Variants in GNA11 observed in about 807,000 individuals in gnomAD.
GNA11 encodes the protein guanine nucleotide-binding protein subunit alpha-11.
In GNA11, 8 loss-of-function variants were observed where a neutral mutation model predicts 38.2. That is an observed-to-expected ratio of 0.21 (90% CI 0.12 to 0.38). GNA11 has a LOEUF of 0.38. Among genes scored for constraint, GNA11 ranks in the 10% least tolerant of loss-of-function variants. The pLI is 1.00. For synonymous variants in GNA11, 211 were observed against 221.4 expected (o/e 0.95, Z 0.42); for missense variants, 268 against 516.3 (o/e 0.52, Z 4.66).
intron 3 of GNA11, among the ~76,000 whole-genome samples, chr19:3,114,087 G>T (rs1056160880): frequency 6.6e-6 from 1 of 152,134 alleles, no homozygotes; most frequent in Non-Finnish European, 1.5e-5. Flanking sequence ...CCCCAGCACC[G>T]GGAGAGACCC....
At chr19:3,107,533 G>A (rs751749156) in intron 1 of GNA11, among the ~76,000 whole-genome samples, 1 of 152,236 alleles carries the variant, frequency 6.6e-6, no homozygotes, top group Non-Finnish European at 1.5e-5. Context: ...CTGGTCTCGT[G>A]TCAGGTGTGG....
chr19:3,102,256 C>G (rs1682593983), intron 1 of GNA11, among the ~76,000 whole-genome samples: 1 of 152,188 alleles, frequency 6.6e-6, no homozygotes, highest in African/African-American at 2.4e-5. Flanking sequence ...TGGCATGGCC[C>G]CTGACCGGCG....
Position 3,095,973 on chromosome 19 carries a change from GCCCTGC to G in GNA11, c.136+1190_136+1195del, listed in dbSNP as rs563806093. ...AGTGGTTTACAAAACAGAAGCTCTT[GCCCTGC>G]CCCGCCCCTGCCCTCCCGAGCTCCT... On this transcript the variant is annotated intron_variant, in intron 1 of 6. Coordinates refer to ENST00000078429, the MANE Select transcript of GNA11 (RefSeq NM_002067.5). 4.3e-4 allele frequency among the ~76,000 whole-genome samples: 66 copies of G among 152,248 alleles called. No individual in the cohort carries two copies. The East Asian group carries it at 0.012, about 29-fold the overall frequency.
At chr19:3,117,570 G>A (rs1039386227) in intron 4 of GNA11, 1 of 152,258 alleles carries the variant, frequency 6.6e-6, no homozygotes, top group African/African-American at 2.4e-5. Flanking sequence ...TTTTAGTAGA[G>A]ATGTGGTTTC....
At chr19:3,116,675 C>G (rs1465659298) in intron 4 of GNA11, among the ~76,000 whole-genome samples, 1 of 152,232 alleles carries the variant, frequency 6.6e-6, no homozygotes, top group South Asian at 2.1e-4. Flanking sequence ...TTCTGGTGTT[C>G]GTGCGTGTGG....
Position 3,115,184 on chromosome 19 carries a change from G to T in GNA11, c.605+112G>T, listed in dbSNP as rs1289190203. ...TTTGGGAGGCCAAGGCGGGAGGATC[G>T]CCTGAGTCCAGGAGTTTGAGACCAC... On this transcript the variant is annotated intron_variant, in intron 4 of 6. Coordinates refer to ENST00000078429, the MANE Select transcript of GNA11 (RefSeq NM_002067.5). The T allele has an allele frequency of 2.3e-6, 3 of 1,277,538 alleles. No individual in the cohort carries two copies. The Admixed American group carries it at 5.9e-5, about 25-fold the overall frequency. 79.1% of individuals were successfully genotyped at this position (1,277,538 alleles called of 1,614,324 possible).
Position 3,110,940 on chromosome 19 carries a change from T to C in GNA11, c.321+607T>C, listed in dbSNP as rs1197573411. Among the ~76,000 whole-genome samples the C allele has an allele frequency of 6.6e-6, 1 of 152,110 alleles. No homozygotes were observed. The highest frequency in any genetic ancestry group is 1.5e-5 in the Non-Finnish European group (1 of 68,028). On this transcript the variant is annotated intron_variant, in intron 2 of 6. Coordinates refer to ENST00000078429, the MANE Select transcript of GNA11 (RefSeq NM_002067.5). The surrounding 1 kb of genome is among the most constrained non-coding windows in gnomAD (Gnocchi z 5.4). ...CCTCCCGGGTAGCTGGGACTGCAGG[T>C]GCATCACCACGCCTAGCTAATTTTT...
chr19:3,114,484 C>G (rs561265327), intron 3 of GNA11, among the ~76,000 whole-genome samples: 1 of 152,144 alleles, frequency 6.6e-6, no homozygotes, highest in African/African-American at 2.4e-5. Context: ...AGCAGGGAGA[C>G]GGGCACGGGG....
Position 3,120,210 on chromosome 19 carries a change from A to G in GNA11, c.890-779A>G, listed in dbSNP as rs1040868650. ...GAGAGGGAGGGGTCTGGCACACGGT[A>G]TAGCCTCGGCCGCTGGCTGCAGGCG... On this transcript the variant is annotated intron_variant, in intron 6 of 6. Coordinates refer to ENST00000078429, the MANE Select transcript of GNA11 (RefSeq NM_002067.5). This position sits in a 1 kb window ranked among gnomAD's most constrained non-coding sequence, Gnocchi z 5.9. Among the ~76,000 whole-genome samples the G allele has an allele frequency of 6.6e-6, 1 of 151,902 alleles. No individual in the cohort carries two copies. The highest frequency in any genetic ancestry group is 1.5e-5 in the Non-Finnish European group (1 of 67,934).
chr19:3,115,059 A>C lies in GNA11; in HGVS notation c.592A>C (p.Asn198His), dbSNP rs768371546. The C allele has an allele frequency of 1.5e-5, 24 of 1,612,954 alleles. No homozygotes were observed. The highest frequency in any genetic ancestry group is 1.7e-5 in the Non-Finnish European group (20 of 1,179,784). The change falls in exon 4 of 7, where the codon AAC becomes CAC. Residue 198 changes from asparagine to histidine, a missense_variant. By Grantham distance (68) the Asn-to-His change is moderately conservative. Coordinates refer to ENST00000078429, the MANE Select transcript of GNA11 (RefSeq NM_002067.5). Reference sequence around the variant, plus strand: ...CATCGAGTACCCTTTCGACCTGGAGAACATCATCTTCCGGTACCGCCCGGG... The same window carrying C: ...CATCGAGTACCCTTTCGACCTGGAGCACATCATCTTCCGGTACCGCCCGGG... ...GIIEYPFDLE[N>H]IIFRMVDVGG...
In GNA11 at chr19:3,094,528, CGAGGGCCGGTGGCCGAGGCCG is replaced by C. The variant is rs1240499698; in HGVS notation, c.-115_-95del. ...GAGGCGGGGCGGGCCGGCCCGGGGCCGAGGGCCGGTGGCCGAGGCCGGAGGGCCGCGGCGGGCGGCGGCCGA... is the reference window on the plus strand; with the variant it reads ...GAGGCGGGGCGGGCCGGCCCGGGGCCGAGGGCCGCGGCGGGCGGCGGCCGA... On this transcript the variant is annotated 5_prime_UTR_variant, in exon 1 of 7. Coordinates refer to ENST00000078429, the MANE Select transcript of GNA11 (RefSeq NM_002067.5). The surrounding 1 kb of genome is among the most constrained non-coding windows in gnomAD (Gnocchi z 6.0). 17 of 199,452 alleles carry C rather than the reference CGAGGGCCGGTGGCCGAGGCCG, an allele frequency of 8.5e-5. No homozygotes were observed. The East Asian group carries it at 3.2e-3, about 38-fold the overall frequency. 12.4% of individuals were successfully genotyped at this position (199,452 alleles called of 1,614,324 possible).
In GNA11 at chr19:3,123,561, C is replaced by T. The variant is rs1183074483; in HGVS notation, c.*2382C>T. 2 of 233,002 alleles carry T rather than the reference C, an allele frequency of 8.6e-6. No homozygotes were observed. The highest frequency in any genetic ancestry group is 1.7e-5 in the Non-Finnish European group (2 of 117,984). The allele number at this position is 233,002 out of a possible 1,614,324, so 14.4% of individuals were successfully genotyped here. On this transcript the variant is annotated 3_prime_UTR_variant, in exon 7 of 7. Transcript: ENST00000078429. ...ACCTGCCAACGATTTCTCGTGAGTGCCGACCACCTTCTCCGACCATGTTAC... is the reference window on the plus strand; with the variant it reads ...ACCTGCCAACGATTTCTCGTGAGTGTCGACCACCTTCTCCGACCATGTTAC...
chr19:3,095,818 A>T (rs1159391278), intron 1 of GNA11, among the ~76,000 whole-genome samples: 1 of 149,630 alleles, frequency 6.7e-6, no homozygotes. Flanking sequence ...GCAGCCCCCC[A>T]CCTGCCGGCT....
chr19:3,097,846 G>A (rs1041992340), intron 1 of GNA11, among the ~76,000 whole-genome samples: 2 of 152,178 alleles, frequency 1.3e-5, no homozygotes, highest in Non-Finnish European at 2.9e-5. Context: ...GGCTGCCCTG[G>A]GCACTGCAGG....
chr19:3,115,097 G>T, intron 4 of GNA11, 25 bp downstream of exon 4: 2 of 1,608,126 alleles, frequency 1.2e-6, no homozygotes, highest in Non-Finnish European at 1.7e-6. Context: ...ACAGCAGGCG[G>T]GGAGGGGGCA....
rs172614 is a variant in GNA11, at chr19:3,110,705, A to G, written c.321+372A>G. On this transcript the variant is annotated intron_variant, in intron 2 of 6. Coordinates refer to ENST00000078429, the MANE Select transcript of GNA11 (RefSeq NM_002067.5). This position sits in a 1 kb window ranked among gnomAD's most constrained non-coding sequence, Gnocchi z 5.4. ...AGCTCCTGGTTCCGGCCCCTTCCCC[A>G]GGCTGAGCAGCCTACCAGGCACCTC... Among the ~76,000 whole-genome samples, 77,616 of 152,092 alleles carry G rather than the reference A, an allele frequency of 0.51. 20,145 individuals are homozygous for G. Among genetic ancestry groups the G allele is most frequent in the Admixed American group, 0.63 (9,564 of 15,284 alleles).
At chr19:3,116,985 A>G (rs1913941271) in intron 4 of GNA11, among the ~76,000 whole-genome samples, 1 of 151,944 alleles carries the variant, frequency 6.6e-6, no homozygotes, top group Non-Finnish European at 1.5e-5. Flanking sequence ...GGCAGGGAGG[A>G]TGCGGCGTGA....
intron 2 of GNA11, among the ~76,000 whole-genome samples, chr19:3,112,968 C>T (rs769034730): frequency 3.3e-5 from 5 of 152,302 alleles, no homozygotes; most frequent in East Asian, 3.9e-4. Flanking sequence ...TGGTCGTGCT[C>T]GGCGCTGCAC....
chr19:3,114,527 C>G (rs913663724), intron 3 of GNA11, among the ~76,000 whole-genome samples: 1 of 152,114 alleles, frequency 6.6e-6, no homozygotes, highest in African/African-American at 2.4e-5. Context: ...TCTGCAGCTG[C>G]GACTCTCCTA....
Sources: allele counts gnomAD v4.1 joint callset (sites outside exome capture counted in the v4.1 genomes callset), GRCh38; gene constraint gnomAD v4.1.1; non-coding constraint Gnocchi (gnomAD v3.1); transcripts MANE v1.5; gene names NCBI Gene and HGNC (gene_info 2026-07-23, HGNC 2026-07-21).